Variants in C2orf76 observed in about 807,000 individuals in gnomAD.
C2orf76 encodes chromosome 2 open reading frame 76.
C2orf76 carries 23 observed loss-of-function variants against 16.9 expected under a neutral mutation model. The ratio of observed to expected loss-of-function variants is 1.36; its 90% CI spans 0.98 to 1.93. The LOEUF (loss-of-function observed/expected upper bound fraction) is 1.93, where lower values mean the gene tolerates loss of function less well. Ranked by LOEUF, C2orf76 falls within the 30% of genes most tolerant of loss-of-function variation. C2orf76 has a pLI of 0.00. For synonymous variants in C2orf76, 48 were observed against 52.3 expected, an observed-to-expected ratio of 0.92 and a Z score of 0.35; for missense variants, 152 against 152.6, an observed-to-expected ratio of 1.00 and a Z score of 0.02.
rs1175481365 is a variant in C2orf76 at position 119,346,411 on chromosome 2, TCAGG to T, written c.-12-6444_-12-6441del. Among the ~76,000 whole-genome samples the T allele has an allele frequency of 6.6e-5, 10 of 152,120 alleles. No homozygotes were observed. The East Asian group carries it at 1.9e-3, about 29-fold the overall frequency. On this transcript the variant is annotated intron_variant, in intron 1 of 5. Coordinates refer to ENST00000334816, the MANE Select transcript of C2orf76 (RefSeq NM_001322331.2). ...CAAATGCCCTTTAACATATGAATGG[TCAGG>T]CAAACTGCAGTATATCCATATCATG... is the stretch of plus-strand genomic sequence containing the variant.
chr2:119,367,106 G>A, upstream of C2orf76: 1 of 1,611,762 alleles, frequency 6.2e-7, no homozygotes, highest in Non-Finnish European at 8.5e-7. Flanking sequence ...GCGGGCGGGA[G>A]GCCCGTTGGG....
At chr2:119,316,741 A>G (rs7604396) in intron 4 of C2orf76, among the ~76,000 whole-genome samples, 45,106 of 151,864 alleles carry the variant, frequency 0.3, 8,368 homozygotes, top group African/African-American at 0.53. Flanking sequence ...ATAATATCTT[A>G]TTCTTGAGTA....
chr2:119,350,690 A>T (rs1680375756), intron 1 of C2orf76, among the ~76,000 whole-genome samples: 1 of 152,164 alleles, frequency 6.6e-6, no homozygotes, highest in Admixed American at 6.5e-5. Flanking sequence ...CATAGATGAG[A>T]TGGGCCTTCA....
chr2:119,366,558 G>A (rs1160579611), intron 1 of C2orf76: 4 of 465,310 alleles, frequency 8.6e-6, no homozygotes, highest in Non-Finnish European at 1.8e-5. Context: ...GGAGGAGCGG[G>A]TCCCGCCCGC....
At chr2:119,334,379 C>CAAAAAAAAA (rs34753333) in intron 2 of C2orf76, among the ~76,000 whole-genome samples, 1 of 71,634 alleles carries the variant, frequency 1.4e-5, no homozygotes, top group Non-Finnish European at 2.5e-5. Flanking sequence ...GTATGCAAAG[C>CAAAAAAAAA]AAAAAAAAAA....
chr2:119,298,600 G>A (rs1234291691), downstream of C2orf76, among the ~76,000 whole-genome samples: 1 of 151,914 alleles, frequency 6.6e-6, no homozygotes, highest in Non-Finnish European at 1.5e-5. Flanking sequence ...AAATCAATTT[G>A]TCAAGTTCCA....
At chr2:119,351,148 C>T (rs1680389738) in intron 1 of C2orf76, among the ~76,000 whole-genome samples, 2 of 152,204 alleles carry the variant, frequency 1.3e-5, no homozygotes, top group African/African-American at 4.8e-5. Context: ...AATACATAAT[C>T]TTGTTTCATG....
At chr2:119,334,312 C>T (rs1044511693) in intron 2 of C2orf76, among the ~76,000 whole-genome samples, 1 of 132,674 alleles carries the variant, frequency 7.5e-6, no homozygotes, top group Non-Finnish European at 1.5e-5. Flanking sequence ...GGCTACATGA[C>T]ATTACCCATT....
At chr2:119,353,556 CTTT>C (rs755724739) in intron 1 of C2orf76, among the ~76,000 whole-genome samples, 6 of 124,572 alleles carry the variant, frequency 4.8e-5, no homozygotes, top group African/African-American at 9.0e-5. Flanking sequence ...CAAGAATTTT[CTTT>C]TTTTTTTTTT....
intron 1 of C2orf76, among the ~76,000 whole-genome samples, chr2:119,353,550 A>G (rs1680470546): frequency 6.8e-6 from 1 of 146,070 alleles, no homozygotes; most frequent in Non-Finnish European, 1.5e-5. Context: ...AGGTAACAAG[A>G]ATTTTCTTTT....
the C2orf76 span, among the ~76,000 whole-genome samples, chr2:119,287,128 C>T: frequency 1.3e-5 from 2 of 152,164 alleles, no homozygotes; most frequent in East Asian, 3.9e-4. Context: ...ACCTACCTCA[C>T]AGGGGTTGTG....
the C2orf76 span, among the ~76,000 whole-genome samples, chr2:119,282,175 G>A: frequency 1.3e-5 from 2 of 152,040 alleles, no homozygotes; most frequent in African/African-American, 4.8e-5. Flanking sequence ...TAAAAAGTTG[G>A]GAAAGTGAGA....
the C2orf76 span, among the ~76,000 whole-genome samples, chr2:119,294,635 G>A: frequency 3.6e-3 from 545 of 152,230 alleles, 4 homozygotes; most frequent in African/African-American, 0.012. Context: ...AGGATGGCCC[G>A]AAGTGAAGAC....
At chr2:119,335,274 A>C (rs149376727) in intron 2 of C2orf76, among the ~76,000 whole-genome samples, 108 of 152,336 alleles carry the variant, frequency 7.1e-4, no homozygotes, top group African/African-American at 2.5e-3. Context: ...AAAAGAAAGA[A>C]AGAAAGAACA....
intron 2 of C2orf76, among the ~76,000 whole-genome samples, chr2:119,325,839 T>C (rs762117565): frequency 1.3e-5 from 2 of 152,224 alleles, no homozygotes; most frequent in Non-Finnish European, 2.9e-5. Flanking sequence ...TTAATGTGCT[T>C]ATCTGCCATA....
the C2orf76 span, among the ~76,000 whole-genome samples, chr2:119,295,745 T>G: frequency 1.3e-5 from 2 of 151,956 alleles, no homozygotes; most frequent in African/African-American, 4.8e-5. Flanking sequence ...TTTGAAAGAG[T>G]CACATGACTT....
At chr2:119,321,789 T>C (rs1348116721) in intron 2 of C2orf76, among the ~76,000 whole-genome samples, 1 of 152,128 alleles carries the variant, frequency 6.6e-6, no homozygotes, top group Non-Finnish European at 1.5e-5. Context: ...AAAAGAATGT[T>C]TAATTTCATT....
chr2:119,358,675 T>C (rs1198645209), intron 1 of C2orf76, among the ~76,000 whole-genome samples: 2 of 151,888 alleles, frequency 1.3e-5, no homozygotes, highest in East Asian at 3.9e-4. Flanking sequence ...AACATTTCCT[T>C]AAGCCAAAGC....
chr2:119,309,462 T>G (rs1408755588), intron 5 of C2orf76, among the ~76,000 whole-genome samples: 1 of 141,780 alleles, frequency 7.1e-6, no homozygotes, highest in African/African-American at 2.6e-5. Flanking sequence ...GCTGGAGTGC[T>G]GTGCTGGAGT....
Sources: allele counts gnomAD v4.1 joint callset (sites outside exome capture counted in the v4.1 genomes callset), GRCh38; gene constraint gnomAD v4.1.1; transcripts MANE v1.5; gene names NCBI Gene and HGNC (gene_info 2026-07-23, HGNC 2026-07-21).